PRKCE: variants seen among roughly 807,000 people sequenced by gnomAD.
The protein encoded by PRKCE is protein kinase C epsilon.
PRKCE carries 16 observed loss-of-function variants against 85.4 expected under a neutral mutation model. That is an observed-to-expected ratio of 0.19 (90% CI 0.13 to 0.28). The LOEUF (loss-of-function observed/expected upper bound fraction) is 0.28, where lower values mean the gene tolerates loss of function less well. Among genes scored for constraint, PRKCE ranks in the 10% least tolerant of loss-of-function variants. The probability of loss-of-function intolerance (pLI) is 1.00; values close to 1 mark genes in which losing one functional copy is unlikely to be tolerated. For missense variants in PRKCE, 573 were observed against 975.2 expected (o/e 0.59, Z 5.49); for synonymous variants, 388 against 371.5 (o/e 1.04, Z -0.51).
At chr2:45,910,909 C>T (rs552076333) in intron 2 of PRKCE, among the ~76,000 whole-genome samples, 8 of 152,218 alleles carry the variant, frequency 5.3e-5, no homozygotes, top group African/African-American at 1.9e-4. Flanking sequence ...GCAAGCAGAG[C>T]GTGCCGTGGC....
At chr2:45,828,393 C>G (rs935660) in intron 1 of PRKCE, among the ~76,000 whole-genome samples, 22,415 of 152,080 alleles carry the variant, frequency 0.15, 1,873 homozygotes, top group South Asian at 0.2. Flanking sequence ...GAGCGAGACT[C>G]CGTCTCAAAA....
intron 2 of PRKCE, among the ~76,000 whole-genome samples, chr2:45,974,210 G>A (rs1447360468): frequency 6.6e-6 from 1 of 152,228 alleles, no homozygotes; most frequent in Non-Finnish European, 1.5e-5. Flanking sequence ...ACAAAAACTT[G>A]CCTATGATGG....
chr2:45,962,257 C>T (rs917832836), intron 2 of PRKCE, among the ~76,000 whole-genome samples: 7 of 152,184 alleles, frequency 4.6e-5, no homozygotes, highest in African/African-American at 1.7e-4. Context: ...CTACTTTCCC[C>T]CCAGGGCCCT....
At chr2:45,886,993 G>A (rs1695351404) in intron 2 of PRKCE, among the ~76,000 whole-genome samples, 1 of 152,186 alleles carries the variant, frequency 6.6e-6, no homozygotes, top group Admixed American at 6.5e-5. Context: ...GCAGAACGGG[G>A]TCAGAAGCTC....
At chr2:46,112,622 A>G (rs1014685948) in intron 11 of PRKCE, among the ~76,000 whole-genome samples, 3 of 151,918 alleles carry the variant, frequency 2.0e-5, no homozygotes, top group African/African-American at 7.3e-5. Context: ...GGGTTCAGGC[A>G]ATTCTCATGC....
chr2:45,975,681 C>T (rs958166112), intron 2 of PRKCE, among the ~76,000 whole-genome samples: 5 of 152,034 alleles, frequency 3.3e-5, no homozygotes, highest in Admixed American at 6.6e-5. Flanking sequence ...TCTGTGAGTC[C>T]CCTTGCAAGG....
rs557144344 is a variant in PRKCE, at chr2:45,739,231, G to A, written c.348+86783G>A. 1.5e-4 allele frequency among the ~76,000 whole-genome samples: 23 copies of A among 152,322 alleles called. No homozygotes were observed. In the South Asian group the frequency reaches 4.8e-3, roughly 32 times the overall value. On this transcript the variant is annotated intron_variant, in intron 1 of 14. Coordinates refer to ENST00000306156, the MANE Select transcript of PRKCE (RefSeq NM_005400.3). ...AAGTCACTGGGAAGGCCCGTCTTTG[G>A]TCCACTGCTGTGGCTGGGTCTGGAC... is the stretch of plus-strand genomic sequence containing the variant.
intron 1 of PRKCE, among the ~76,000 whole-genome samples, chr2:45,710,054 G>T (rs146217587): frequency 4.6e-5 from 7 of 152,236 alleles, no homozygotes; most frequent in East Asian, 1.9e-4. Context: ...CAAGTGATCC[G>T]GAAAGTTCTG....
At chr2:45,711,381 T>C (rs1278426011) in intron 1 of PRKCE, among the ~76,000 whole-genome samples, 1 of 152,230 alleles carries the variant, frequency 6.6e-6, no homozygotes, top group Non-Finnish European at 1.5e-5. Flanking sequence ...AAATCACAGC[T>C]CTGCTACCTA....
chr2:45,864,873 G>A (rs755077609), intron 2 of PRKCE, among the ~76,000 whole-genome samples: 3 of 152,240 alleles, frequency 2.0e-5, no homozygotes, highest in African/African-American at 4.8e-5. Flanking sequence ...AGGGGGCCTC[G>A]AACTTGAGAA....
intron 1 of PRKCE, among the ~76,000 whole-genome samples, chr2:45,695,859 G>T (rs72884465): frequency 0.034 from 5,217 of 152,276 alleles, 199 homozygotes; most frequent in East Asian, 0.14. Context: ...GCAGAAAAAA[G>T]AAACAGATTT....
chr2:45,825,929 G>A (rs980234282), intron 1 of PRKCE, among the ~76,000 whole-genome samples: 15 of 152,034 alleles, frequency 9.9e-5, no homozygotes, highest in South Asian at 4.1e-4. Flanking sequence ...TGGCAGGGAC[G>A]GGGGGATGGG....
intron 10 of PRKCE, among the ~76,000 whole-genome samples, chr2:46,085,047 A>G (rs1438496885): frequency 2.0e-5 from 3 of 151,990 alleles, no homozygotes; most frequent in African/African-American, 7.3e-5. Context: ...CCACCCCTGG[A>G]TTGTAAGCTC....
At chr2:45,885,877 G>A (rs2345179) in intron 2 of PRKCE, among the ~76,000 whole-genome samples, 97,076 of 152,164 alleles carry the variant, frequency 0.64, 31,666 homozygotes, top group East Asian at 0.97. Context: ...CTTATTTTAA[G>A]TGCACGAGGG....
chr2:46,024,004 C>G (rs1202581765), intron 10 of PRKCE, among the ~76,000 whole-genome samples: 1 of 152,230 alleles, frequency 6.6e-6, no homozygotes, highest in Non-Finnish European at 1.5e-5. Context: ...AGGGATCATA[C>G]AGCTGGAAGC....
At chr2:45,831,585 C>A (rs1174715827) in intron 1 of PRKCE, among the ~76,000 whole-genome samples, 1 of 152,182 alleles carries the variant, frequency 6.6e-6, no homozygotes, top group East Asian at 1.9e-4. Context: ...TGATGTATAA[C>A]TTTTGTGGAG....
At chr2:46,055,001 CAG>C (rs1666426908) in intron 10 of PRKCE, among the ~76,000 whole-genome samples, 1 of 152,170 alleles carries the variant, frequency 6.6e-6, no homozygotes, top group East Asian at 1.9e-4. Flanking sequence ...CCTTCCCACT[CAG>C]AGTCACTTTT....
intron 3 of PRKCE, among the ~76,000 whole-genome samples, 164 bp from the exon 4 acceptor site, chr2:45,978,812 A>G (rs1335364463): frequency 6.6e-6 from 1 of 152,184 alleles, no homozygotes; most frequent in Admixed American, 6.5e-5. Context: ...TTCTGGAAGG[A>G]GACATTTAAG....
intron 5 of PRKCE, among the ~76,000 whole-genome samples, chr2:45,982,364 T>C (rs1324104433): frequency 6.6e-6 from 1 of 152,220 alleles, no homozygotes; most frequent in Non-Finnish European, 1.5e-5. Flanking sequence ...AACACCATGC[T>C]TTCAATGCCC....
Sources: allele counts gnomAD v4.1 joint callset (sites outside exome capture counted in the v4.1 genomes callset), GRCh38; gene constraint gnomAD v4.1.1; transcripts MANE v1.5; gene names NCBI Gene and HGNC (gene_info 2026-07-23, HGNC 2026-07-21).